LIMS2: variants seen among roughly 807,000 people sequenced by gnomAD.
LIMS2 encodes the protein LIM zinc finger domain containing 2, also known as LIM and senescent cell antigen-like-containing domain protein 2.
Under a neutral mutation model 45.3 loss-of-function variants are expected in LIMS2, and 30 were observed. The observed-to-expected ratio is 0.66, with a 90% CI of 0.50 to 0.90. LIMS2 has a LOEUF of 0.90. LIMS2 is among the 40% of genes least tolerant of loss of function. The pLI is 0.00. For synonymous variants in LIMS2, 173 were observed against 188.0 expected (o/e 0.92, Z 0.65); for missense variants, 485 against 468.7 (o/e 1.03, Z -0.32).
intron 9 of LIMS2, 80 bp from the exon 10 acceptor site, chr2:127,639,508 C>T: frequency 3.2e-6 from 5 of 1,545,486 alleles, no homozygotes; most frequent in Non-Finnish European, 4.4e-6. Flanking sequence ...AGTGGGCTTC[C>T]CTCAGCCCCC....
intron 1 of LIMS2, among the ~76,000 whole-genome samples, chr2:127,661,015 T>C (rs1226641708): frequency 6.6e-6 from 1 of 151,460 alleles, no homozygotes; most frequent in Non-Finnish European, 1.5e-5. Flanking sequence ...TAACAGCAGC[T>C]CTGTGAGGGA....
intron 4 of LIMS2, chr2:127,648,106 G>A (rs1015291505): frequency 1.9e-5 from 19 of 985,448 alleles, no homozygotes; most frequent in African/African-American, 1.4e-4. Flanking sequence ...AGTGCCAGCC[G>A]AGACCAGCCA....
At chr2:127,650,502 T>TTCC (rs1315876721) in intron 4 of LIMS2, 15 of 572,652 alleles carry the variant, frequency 2.6e-5, no homozygotes, top group Non-Finnish European at 4.3e-5. Flanking sequence ...TTCCAAGCCC[T>TTCC]GGTTCTGCGT....
At chr2:127,646,860 C>A (rs1406555925) in intron 4 of LIMS2, among the ~76,000 whole-genome samples, 5 of 152,238 alleles carry the variant, frequency 3.3e-5, no homozygotes, top group African/African-American at 1.2e-4. Flanking sequence ...GAGAGTGAAG[C>A]GGGGCCCATC....
chr2:127,679,008 AG>A (rs1325548128), upstream of LIMS2, among the ~76,000 whole-genome samples: 2 of 152,074 alleles, frequency 1.3e-5, no homozygotes, highest in Non-Finnish European at 2.9e-5. This position sits in a 1 kb window ranked among gnomAD's most constrained non-coding sequence, Gnocchi z 5.3. Context: ...GCAGAAAGTG[AG>A]GGGGAGAGCA....
At chr2:127,660,875 A>C (rs1684595106) in intron 1 of LIMS2, among the ~76,000 whole-genome samples, 1 of 130,654 alleles carries the variant, frequency 7.7e-6, no homozygotes, top group African/African-American at 2.9e-5. Context: ...ATCCAGGGAG[A>C]TCATTGCTGC....
chr2:127,651,175 A>G (rs1683732271), intron 4 of LIMS2: 1 of 1,612,052 alleles, frequency 6.2e-7, no homozygotes, highest in African/African-American at 1.3e-5. Context: ...AGGCCCCTCT[A>G]CGCACACCTG....
At chr2:127,643,239 AG>A (rs1682617284) in intron 4 of LIMS2, 167 bp from the exon 5 acceptor site, 3 of 680,460 alleles carry the variant, frequency 4.4e-6, no homozygotes, top group Non-Finnish European at 7.4e-6. Flanking sequence ...AAGGCCCAGA[AG>A]GTCACAAGTG....
exon 1 of LIMS2, chr2:127,681,621 C>T (rs1685616631): frequency 6.6e-6 from 1 of 152,272 alleles, no homozygotes; most frequent in South Asian, 2.1e-4. Context: ...AGGTGCTGCT[C>T]CGGGCCCAGA....
chr2:127,651,333 G>A (rs750839136), intron 4 of LIMS2: 2 of 1,611,184 alleles, frequency 1.2e-6, no homozygotes. Context: ...CCTGGCAGTG[G>A]CCTTCACCTT....
In LIMS2 at chr2:127,639,017, G is replaced by A. The variant is rs1171947129; in HGVS notation, c.*264C>T. 3 of 483,576 alleles carry A rather than the reference G, an allele frequency of 6.2e-6. No homozygotes were observed. Among genetic ancestry groups the A allele is most frequent in the South Asian group, 2.6e-5 (1 of 38,818 alleles). 30.0% of individuals were successfully genotyped at this position (483,576 alleles called of 1,614,324 possible). The stretch of plus-strand genomic sequence containing the variant: ...GGAGGTCTGTGGGCGGAAGCTGTGG[G>A]CACAGGTGGACATGGCTGTCAGACG... On this transcript the variant is annotated 3_prime_UTR_variant, in exon 10 of 10. Transcript: ENST00000355119.
rs73954695 is a variant in LIMS2, at chr2:127,671,761, G to A, written c.11+3253C>T. ...TAGAAGAAAAAGGAAGGAGGTGAGG[G>A]GCCATGGCAGTGCCACCTGGCCCAG... On this transcript the variant is annotated intron_variant, in intron 1 of 9. Transcript: ENST00000355119. This position sits in a 1 kb window ranked among gnomAD's most constrained non-coding sequence, Gnocchi z 4.1. 7.7e-3 allele frequency among the ~76,000 whole-genome samples: 1,172 copies of A among 152,294 alleles called. 20 individuals carry two copies. The highest frequency in any genetic ancestry group is 0.026 in the African/African-American group (1,092 of 41,542).
intron 4 of LIMS2, among the ~76,000 whole-genome samples, chr2:127,649,098 G>GA (rs376579491): frequency 8.0e-6 from 1 of 125,390 alleles, no homozygotes; most frequent in Admixed American, 8.0e-5. Context: ...AAAGAAAAAA[G>GA]AAAAGAAAAA....
Position 127,651,356 on chromosome 2 carries a change from C to T in LIMS2, c.359+3068G>A, listed in dbSNP as rs61741474. 2.1e-4 allele frequency: 344 copies of T among 1,612,292 alleles called. 3 individuals carry two copies. The African/African-American group carries it at 4.4e-3, about 21-fold the overall frequency. ...TGGCCTTCACCTTCCCGTTCATCAC[C>T]ACGGTCACCTGCTACCTGCTGATCA... is the stretch of plus-strand genomic sequence containing the variant. On this transcript the variant is annotated intron_variant, in intron 4 of 9. Transcript: ENST00000355119.
chr2:127,665,407 C>T (rs1015713375), intron 1 of LIMS2, among the ~76,000 whole-genome samples: 3 of 152,162 alleles, frequency 2.0e-5, no homozygotes, highest in Admixed American at 1.3e-4. Context: ...CAGGCCCACA[C>T]GCCACTGAGG....
chr2:127,644,078 CTG>C (rs1558871498), intron 4 of LIMS2: 1 of 456,552 alleles, frequency 2.2e-6, no homozygotes, highest in Admixed American at 2.3e-5. Context: ...CCTGCTACTG[CTG>C]GGTGTCTGGA....
At position 127,642,194 on chromosome 2, in the gene LIMS2, T is replaced by A; in HGVS notation, c.515A>T (p.Glu172Val). 1 of 1,553,990 alleles carries A rather than the reference T, an allele frequency of 6.4e-7. No individual in the cohort carries two copies. Among genetic ancestry groups the A allele is most frequent in the Non-Finnish European group, 8.7e-7 (1 of 1,144,486 alleles). Residue 172 changes from glutamate (E) to valine (V), a missense_variant, in exon 6 of 10, where the codon GAG becomes GTG. By Grantham distance (121) the Glu-to-Val change is moderately radical (BLOSUM62 -2). Coordinates refer to ENST00000355119, the MANE Select transcript of LIMS2 (RefSeq NM_001161403.3). The surrounding 1 kb of genome is among the most constrained non-coding windows in gnomAD (Gnocchi z 5.3). ...DHFNCTHCGK[E>V]LTAEARELKG... ...CAGCTCGCGGGCCTCGGCTGTCAGCTCCTTCCTGGAAGACAGCGTGCAGCC... is the reference window on the plus strand; with the variant it reads ...CAGCTCGCGGGCCTCGGCTGTCAGCACCTTCCTGGAAGACAGCGTGCAGCC...
intron 6 of LIMS2, chr2:127,641,779 C>T: frequency 2.4e-6 from 1 of 422,014 alleles, no homozygotes; most frequent in South Asian, 3.9e-5. Flanking sequence ...TTCTCCTGAC[C>T]TTGGAGTCTC....
At chr2:127,650,307 C>T in intron 4 of LIMS2, 2 of 572,152 alleles carry the variant, frequency 3.5e-6, no homozygotes, top group Non-Finnish European at 6.2e-6. Context: ...CGGAGACACA[C>T]TGCCCCCGCC....
Sources: allele counts gnomAD v4.1 joint callset (sites outside exome capture counted in the v4.1 genomes callset), GRCh38; gene constraint gnomAD v4.1.1; non-coding constraint Gnocchi (gnomAD v3.1); transcripts MANE v1.5; gene names NCBI Gene and HGNC (gene_info 2026-07-23, HGNC 2026-07-21).